DGKZ: variants seen among roughly 807,000 people sequenced by gnomAD.
DGKZ encodes diacylglycerol kinase zeta.
A neutral mutation model predicts 142.5 loss-of-function variants in DGKZ; 45 were observed. The observed-to-expected ratio is 0.32, with a 90% CI of 0.25 to 0.40. The LOEUF is 0.40. DGKZ is among the 10% of genes least tolerant of loss of function. DGKZ has a pLI of 1.00. For missense variants in DGKZ, 755 were observed against 1,306.5 expected (o/e 0.58, Z 6.51); for synonymous variants, 442 against 527.0 (o/e 0.84, Z 2.21).
Position 46,374,249 on chromosome 11 carries a change from C to CA in DGKZ, c.1405+15dup. On this transcript the variant is annotated intron_variant, in intron 15 of 30. Coordinates refer to ENST00000527911, the Ensembl canonical transcript of DGKZ. The stretch of plus-strand genomic sequence containing the variant: ...ACGAGTCTCGAGGTTGGCAGCCTCC[C>CA]ACTGAGGCCAGGGCAGGGTGGGCAC... The CA allele has an allele frequency of 6.2e-7, 1 of 1,614,002 alleles. No individual in the cohort carries two copies. Among genetic ancestry groups the CA allele is most frequent in the Non-Finnish European group, 8.5e-7 (1 of 1,179,998 alleles).
At chr11:46,378,479 C>T (rs1454606342) in exon 27 of DGKZ, 3 of 1,608,022 alleles carry the variant, frequency 1.9e-6, no homozygotes, top group Non-Finnish European at 2.6e-6. Context: ...TTGAGGCTGC[C>T]AAGAGGAACG....
At chr11:46,378,860 T>C in intron 27 of DGKZ, 131 bp from the exon 28 acceptor site, 2 of 1,399,470 alleles carry the variant, frequency 1.4e-6, no homozygotes, top group South Asian at 1.4e-5. Context: ...CAGAGGCAAC[T>C]CAGGAGTAAG....
At chr11:46,359,787 T>G (rs1942431663) in intron 1 of DGKZ, among the ~76,000 whole-genome samples, 1 of 150,420 alleles carries the variant, frequency 6.6e-6, no homozygotes, top group Non-Finnish European at 1.5e-5. Flanking sequence ...TTTTTTTTTT[T>G]TTGTATTGTT....
exon 1 of DGKZ, chr11:46,333,446 G>A (rs1205948344): frequency 1.3e-6 from 2 of 1,535,504 alleles, no homozygotes; most frequent in African/African-American, 1.4e-5. Flanking sequence ...CGGTGGAGGA[G>A]CGTTTCCGCC....
At chr11:46,350,620 G>A (rs1171489085) in intron 1 of DGKZ, among the ~76,000 whole-genome samples, 2 of 152,108 alleles carry the variant, frequency 1.3e-5, no homozygotes, top group African/African-American at 4.8e-5. Flanking sequence ...TTCTGCATGC[G>A]GGCCCTGGCT....
At chr11:46,366,643 G>A (rs1943301260) in intron 1 of DGKZ, 1 of 1,601,404 alleles carries the variant, frequency 6.2e-7, no homozygotes, top group African/African-American at 1.3e-5. Flanking sequence ...TGGTAGCCGA[G>A]GCATCGAGCG....
intron 1 of DGKZ, among the ~76,000 whole-genome samples, chr11:46,359,099 C>G (rs1032482226): frequency 2.0e-5 from 3 of 151,594 alleles, no homozygotes; most frequent in Admixed American, 2.0e-4. Context: ...GAGATCGCAA[C>G]ACTGCACTCC....
At chr11:46,378,772 T>A in intron 27 of DGKZ, 1 of 891,590 alleles carries the variant, frequency 1.1e-6, no homozygotes, top group East Asian at 2.6e-5. Flanking sequence ...GCTCCAGGGC[T>A]TGGTCACCAG....
chr11:46,369,588 A>G, intron 5 of DGKZ, 38 bp downstream of exon 5: 6 of 1,610,592 alleles, frequency 3.7e-6, no homozygotes, highest in Non-Finnish European at 5.1e-6. Flanking sequence ...GGCCACCCTA[A>G]GATTCCTGCA....
At chr11:46,374,880 C>T (rs1462740303) in intron 18 of DGKZ, 41 bp downstream of exon 18, 1 of 1,583,068 alleles carries the variant, frequency 6.3e-7, no homozygotes, top group Admixed American at 1.7e-5. Flanking sequence ...GCCCTGCTGT[C>T]CTTGTCCTGC....
At chr11:46,338,124 A>T (rs181869303) in intron 1 of DGKZ, among the ~76,000 whole-genome samples, 1 of 152,350 alleles carries the variant, frequency 6.6e-6, no homozygotes, top group East Asian at 1.9e-4. Context: ...CTTTATTCAT[A>T]GACACTGAAC....
In DGKZ at chr11:46,378,709, G is replaced by A. The variant is rs781046697; in HGVS notation, c.2418+209G>A. ...GATGGCTCCTAGTAGGGGCTTCCTAGCTCAGTCCACCTGTCCCTGGTGCTT... is the reference window on the plus strand; with the variant it reads ...GATGGCTCCTAGTAGGGGCTTCCTAACTCAGTCCACCTGTCCCTGGTGCTT... On this transcript the variant is annotated intron_variant, in intron 27 of 30. Transcript: ENST00000527911. 20 of 848,884 alleles carry A rather than the reference G, an allele frequency of 2.4e-5. No individual in the cohort carries two copies. In the South Asian group the frequency reaches 2.9e-4, roughly 12 times the overall value. The allele number at this position is 848,884 out of a possible 1,614,324, so 52.6% of individuals were successfully genotyped here. A position where few individuals can be genotyped will look rare whatever the true frequency, so the allele number is the denominator to read the frequency against.
chr11:46,358,251 T>C (rs1942263680), intron 1 of DGKZ, among the ~76,000 whole-genome samples: 1 of 152,184 alleles, frequency 6.6e-6, no homozygotes, highest in South Asian at 2.1e-4. Flanking sequence ...TTAAAAGTAG[T>C]GAAGATCATT....
exon 23 of DGKZ, chr11:46,376,338 G>A (rs1255408366): frequency 6.2e-7 from 1 of 1,614,040 alleles, no homozygotes; most frequent in South Asian, 1.1e-5. Context: ...GAGCCCGATG[G>A]TGCTGGAGCC....
chr11:46,342,000 A>T (rs1241124936), intron 1 of DGKZ, among the ~76,000 whole-genome samples: 1 of 152,132 alleles, frequency 6.6e-6, no homozygotes. Flanking sequence ...ACAGCAGAGG[A>T]TGTCCAGGTC....
chr11:46,365,736 C>T (rs989551914), intron 1 of DGKZ: 2 of 985,328 alleles, frequency 2.0e-6, no homozygotes, highest in African/African-American at 3.5e-5. Flanking sequence ...GAGGGGACAC[C>T]TAACCTGCCC....
At chr11:46,377,455 A>G (rs1944680636) in intron 25 of DGKZ, 1 of 682,282 alleles carries the variant, frequency 1.5e-6, no homozygotes, top group East Asian at 3.2e-5. Context: ...CAGTCCTGGC[A>G]GCCCCCGGAC....
In DGKZ at chr11:46,372,745, AT is replaced by A. The variant is rs763015801; in HGVS notation, c.1072-23del. ...TGAAGCCGGGGTCCCTGTGGGCCTG[AT>A]TTGCCTCTGTTCTTCCTCCCCCAGG... On this transcript the variant is annotated intron_variant, in intron 12 of 30. Transcript: ENST00000527911. The surrounding 1 kb of genome is among the most constrained non-coding windows in gnomAD (Gnocchi z 5.9). The A allele has an allele frequency of 5.0e-6, 8 of 1,609,708 alleles. No individual in the cohort carries two copies. The Admixed American group carries it at 1.3e-4, about 27-fold the overall frequency.
intron 5 of DGKZ, 147 bp downstream of exon 5, chr11:46,369,697 C>G (rs573795420): frequency 9.1e-7 from 1 of 1,100,764 alleles, no homozygotes. Context: ...ATGCGGAGGC[C>G]TAACTAGCGC....
Sources: allele counts gnomAD v4.1 joint callset (sites outside exome capture counted in the v4.1 genomes callset), GRCh38; gene constraint gnomAD v4.1.1; non-coding constraint Gnocchi (gnomAD v3.1); transcripts MANE v1.5; gene names NCBI Gene and HGNC (gene_info 2026-07-23, HGNC 2026-07-21).